CCDC141: variants seen among roughly 807,000 people sequenced by gnomAD.
The protein encoded by CCDC141 is coiled-coil domain containing 141, also known as coiled-coil domain-containing protein 141.
Under a neutral mutation model 181.0 loss-of-function variants are expected in CCDC141, and 168 were observed. The observed-to-expected ratio is 0.93, with a 90% CI of 0.82 to 1.05. The LOEUF is 1.05. CCDC141 is among the 50% of genes least tolerant of loss of function. The pLI is 0.00. For missense variants in CCDC141, 1,902 were observed against 1,788.5 expected (o/e 1.06, Z -1.14); for synonymous variants, 666 against 642.3 (o/e 1.04, Z -0.56).
intron 8 of CCDC141, among the ~76,000 whole-genome samples, chr2:178,899,586 A>C (rs1335304869): frequency 6.6e-6 from 1 of 152,160 alleles, no homozygotes; most frequent in Non-Finnish European, 1.5e-5. Context: ...AGAATGTATG[A>C]ACTAAAATTC....
chr2:178,871,513 G>A lies in CCDC141; in HGVS notation c.2119C>T (p.Pro707Ser), dbSNP rs142479179. 1.6e-4 allele frequency: 266 copies of A among 1,613,846 alleles called. No homozygotes were observed. In the African/African-American group the frequency reaches 3.2e-3, roughly 19 times the overall value. The part of the protein sequence containing the change: ...NLKLLQEALM[P>S]VSALDLGGSL... ...CCTCCGAGGTCAAGTGCAGACACAG[G>A]CATAAGTGCTTCCTGAAGAAGTTTT... The change falls in exon 14 of 24, where the codon CCT becomes TCT. Residue 707 changes from proline to serine, a missense_variant. Transcript: ENST00000443758.
At position 178,878,116 on chromosome 2, in the gene CCDC141, C is replaced by G. The variant is rs1370241207; in HGVS notation, c.1747G>C (p.Glu583Gln). The G allele has an allele frequency of 1.2e-6, 2 of 1,605,752 alleles. No individual in the cohort carries two copies. Among genetic ancestry groups the G allele is most frequent in the Non-Finnish European group, 1.7e-6 (2 of 1,178,144 alleles). The change falls in exon 12 of 24, where the codon GAA (glutamate) becomes CAA (glutamine). Residue 583 changes from glutamate (E) to glutamine (Q), a missense_variant. Coordinates refer to ENST00000443758, the MANE Select transcript of CCDC141 (RefSeq NM_173648.4). ...TGAGGGATTTCGGTTTCATAAAATT[C>G]TTTTAAGCTCTGAAACTGCATCTCT... ...EVEMQFQSLK[E>Q]FYETEIPQKE...
intron 5 of CCDC141, among the ~76,000 whole-genome samples, chr2:178,955,179 G>C (rs934282472): frequency 6.6e-6 from 1 of 152,074 alleles, no homozygotes; most frequent in African/African-American, 2.4e-5. Context: ...CAGCCACTTG[G>C]GAGGCTGAGG....
intron 6 of CCDC141, among the ~76,000 whole-genome samples, chr2:178,925,548 G>A (rs1207950396): frequency 6.6e-6 from 1 of 152,196 alleles, no homozygotes; most frequent in African/African-American, 2.4e-5. Context: ...CAACATAGAT[G>A]AAAATTTAAT....
intron 20 of CCDC141, among the ~76,000 whole-genome samples, chr2:178,853,027 C>CTTCA (rs112351374): frequency 0.023 from 3,574 of 152,298 alleles, 136 homozygotes; most frequent in African/African-American, 0.08. Flanking sequence ...GGACTGGAGA[C>CTTCA]TTCAGTCTTA....
chr2:178,947,668 GTCA>G (rs889885236), intron 5 of CCDC141, among the ~76,000 whole-genome samples: 1 of 152,150 alleles, frequency 6.6e-6, no homozygotes, highest in Non-Finnish European at 1.5e-5. Context: ...AAAAAGGAAA[GTCA>G]GCAAAGATGC....
At chr2:178,889,678 T>C (rs927320090) in intron 8 of CCDC141, among the ~76,000 whole-genome samples, 1 of 152,278 alleles carries the variant, frequency 6.6e-6, no homozygotes, top group African/African-American at 2.4e-5. Context: ...ACTGGAGTGA[T>C]GACGATGCCA....
intron 6 of CCDC141, among the ~76,000 whole-genome samples, chr2:178,942,969 A>C (rs1026101726): frequency 6.6e-6 from 1 of 152,194 alleles, no homozygotes; most frequent in African/African-American, 2.4e-5. Context: ...ACTGTGCCCT[A>C]CTAAGGTCAA....
chr2:178,838,987 C>T (rs1241056661), intron 22 of CCDC141, among the ~76,000 whole-genome samples: 1 of 152,182 alleles, frequency 6.6e-6, no homozygotes, highest in African/African-American at 2.4e-5. Context: ...TTTTGGGTGC[C>T]TACTTACTTA....
chr2:178,914,478 C>A (rs142618624), intron 7 of CCDC141, among the ~76,000 whole-genome samples: 207 of 152,260 alleles, frequency 1.4e-3, no homozygotes, highest in African/African-American at 4.7e-3. Context: ...TCCAAACATC[C>A]GTATCTCAAG....
In CCDC141 at chr2:178,831,174, TG is replaced by T. The variant is rs1400234392; in HGVS notation, c.*2998del. On this transcript the variant is annotated 3_prime_UTR_variant, in exon 24 of 24. Coordinates refer to ENST00000443758, the MANE Select transcript of CCDC141 (RefSeq NM_173648.4). ...ATCATAGAATATTCAGAGATTCAAA[TG>T]TACAGATTCCTACAGTAAATTTCTC... 1 of 152,178 alleles carries T rather than the reference TG, an allele frequency of 6.6e-6. No homozygotes were observed. Among genetic ancestry groups the T allele is most frequent in the East Asian group, 1.9e-4 (1 of 5,206 alleles). The allele number at this position is 152,178 out of a possible 1,614,324, so 9.4% of individuals were successfully genotyped here. A position where few individuals can be genotyped will look rare whatever the true frequency, so the allele number is the denominator to read the frequency against.
At chr2:179,016,796 G>A (rs1327896594) in intron 2 of CCDC141, among the ~76,000 whole-genome samples, 2 of 152,078 alleles carry the variant, frequency 1.3e-5, no homozygotes, top group Non-Finnish European at 2.9e-5. Context: ...GTTGGAAGGT[G>A]AGGTTTGGCA....
chr2:179,046,439 T>C (rs2043500067), intron 2 of CCDC141, among the ~76,000 whole-genome samples: 1 of 152,212 alleles, frequency 6.6e-6, no homozygotes, highest in Non-Finnish European at 1.5e-5. Flanking sequence ...TCCTGTCTGC[T>C]CCGCAGCCCC....
At position 178,832,474 on chromosome 2, in the gene CCDC141, A is replaced by C. The variant is rs1468405034; in HGVS notation, c.*1699T>G. The stretch of plus-strand genomic sequence containing the variant: ...GAGCAAGACTCTTTCTCAAAAAAAA[A>C]AAAAAAAAACAAAAAAAACAAAAAA... On this transcript the variant is annotated 3_prime_UTR_variant, in exon 24 of 24. Coordinates refer to ENST00000443758, the MANE Select transcript of CCDC141 (RefSeq NM_173648.4). 11 of 148,102 alleles carry C rather than the reference A, an allele frequency of 7.4e-5. No individual in the cohort carries two copies. The highest frequency in any genetic ancestry group is 2.5e-4 in the African/African-American group (10 of 39,666). The allele number at this position is 148,102 out of a possible 1,614,324, so 9.2% of individuals were successfully genotyped here. A position where few individuals can be genotyped will look rare whatever the true frequency, so the allele number is the denominator to read the frequency against.
In CCDC141 at chr2:178,853,506, G is replaced by T. The variant is rs779104480; in HGVS notation, c.3179C>A (p.Ala1060Glu). 1 of 1,614,140 alleles carries T rather than the reference G, an allele frequency of 6.2e-7. No individual in the cohort carries two copies. Among genetic ancestry groups the T allele is most frequent in the East Asian group, 2.2e-5 (1 of 44,860 alleles). ...ILHQQFNKFI[A>E]PSVPQQEERI... Reference sequence around the variant, plus strand: ...TTCTTCTTGCTGCGGCACTGAGGGTGCAATAAACTTATTAAACTGCTGGTG... The same window carrying T: ...TTCTTCTTGCTGCGGCACTGAGGGTTCAATAAACTTATTAAACTGCTGGTG... The change falls in exon 20 of 24, where the codon GCA (alanine) becomes GAA (glutamate). Residue 1060 changes from alanine to glutamate, a missense_variant. By Grantham distance (107) the Ala-to-Glu change is moderately radical. Transcript: ENST00000443758.
At chr2:178,844,155 T>C (rs970723224) in intron 22 of CCDC141, among the ~76,000 whole-genome samples, 2 of 152,240 alleles carry the variant, frequency 1.3e-5, no homozygotes, top group African/African-American at 4.8e-5. Flanking sequence ...GTTTCTGAGT[T>C]CTTAGTAAGT....
chr2:178,996,192 C>G (rs1692280520), intron 2 of CCDC141, among the ~76,000 whole-genome samples: 1 of 151,772 alleles, frequency 6.6e-6, no homozygotes, highest in South Asian at 2.1e-4. Flanking sequence ...ATTCTCCTGC[C>G]TCAGCCTTTG....
At chr2:179,017,291 C>T (rs1397127999) in intron 2 of CCDC141, among the ~76,000 whole-genome samples, 1 of 152,068 alleles carries the variant, frequency 6.6e-6, no homozygotes, top group Non-Finnish European at 1.5e-5. Flanking sequence ...TGTTAAGGAA[C>T]CACACCATTC....
chr2:178,978,026 G>A (rs550896314), intron 3 of CCDC141, among the ~76,000 whole-genome samples: 1 of 152,234 alleles, frequency 6.6e-6, no homozygotes, highest in South Asian at 2.1e-4. Context: ...CTATATTTAT[G>A]AATCAAATAT....
Sources: allele counts gnomAD v4.1 joint callset (sites outside exome capture counted in the v4.1 genomes callset), GRCh38; gene constraint gnomAD v4.1.1; transcripts MANE v1.5; gene names NCBI Gene and HGNC (gene_info 2026-07-23, HGNC 2026-07-21).